Variants in MMP26 observed in about 807,000 individuals in gnomAD.
MMP26 encodes matrix metalloproteinase-26.
MMP26 carries 33 observed loss-of-function variants against 31.0 expected under a neutral mutation model. The ratio of observed to expected loss-of-function variants is 1.06; its 90% confidence interval spans 0.81 to 1.42. The LOEUF (loss-of-function observed/expected upper bound fraction) is 1.42, where lower values mean the gene tolerates loss of function less well. Ranked by LOEUF, MMP26 falls within the 40% of genes most tolerant of loss-of-function variation. The pLI is 0.00. For synonymous variants in MMP26, 122 were observed against 114.9 expected, an observed-to-expected ratio of 1.06 and a Z score of -0.40; for missense variants, 347 against 316.1, an observed-to-expected ratio of 1.10 and a Z score of -0.74.
At chr11:4,906,685 C>T (rs966811198) in intron 2 of MMP26, among the ~76,000 whole-genome samples, 2 of 152,064 alleles carry the variant, frequency 1.3e-5, no homozygotes, top group Admixed American at 6.5e-5. Context: ...TTAAAGCCAA[C>T]GTGGGTACTG....
At chr11:4,922,556 A>C (rs531337152) in intron 2 of MMP26, among the ~76,000 whole-genome samples, 30 of 152,222 alleles carry the variant, frequency 2.0e-4, no homozygotes, top group South Asian at 6.2e-4. Flanking sequence ...AGAAAGAAAA[A>C]CAGCAGTATT....
At chr11:4,911,720 G>C (rs1850994590) in intron 2 of MMP26, among the ~76,000 whole-genome samples, 1 of 152,022 alleles carries the variant, frequency 6.6e-6, no homozygotes, top group Non-Finnish European at 1.5e-5. Context: ...CTTTATAGAG[G>C]CCTTCCCTGC....
chr11:4,772,882 T>C (rs927370092), intron 2 of MMP26, among the ~76,000 whole-genome samples: 1 of 152,214 alleles, frequency 6.6e-6, no homozygotes, highest in Non-Finnish European at 1.5e-5. Flanking sequence ...TTTCTTTGAT[T>C]TCTACTCTGC....
At chr11:4,851,903 A>T (rs113434132) in intron 2 of MMP26, among the ~76,000 whole-genome samples, 316 of 152,292 alleles carry the variant, frequency 2.1e-3, no homozygotes, top group African/African-American at 7.2e-3. Flanking sequence ...AAGACACAAG[A>T]CTAACAGAAA....
intron 2 of MMP26, among the ~76,000 whole-genome samples, chr11:4,968,666 T>C (rs749192321): frequency 3.9e-5 from 6 of 151,964 alleles, no homozygotes; most frequent in Non-Finnish European, 7.4e-5. Flanking sequence ...AAAACACTTT[T>C]ACAATTTCTT....
At chr11:4,722,177 A>C (rs1848021611) in intron 1 of MMP26, among the ~76,000 whole-genome samples, 1 of 152,142 alleles carries the variant, frequency 6.6e-6, no homozygotes, top group African/African-American at 2.4e-5. Context: ...ACCCAGTCTC[A>C]GGTATTTATT....
intron 2 of MMP26, among the ~76,000 whole-genome samples, chr11:4,982,012 G>A (rs1846820478): frequency 6.6e-6 from 1 of 151,518 alleles, no homozygotes; most frequent in South Asian, 2.1e-4. Flanking sequence ...AATACCTCCT[G>A]ACTGACCTGC....
chr11:4,740,896 A>C (rs568809023), intron 1 of MMP26, among the ~76,000 whole-genome samples: 1 of 152,188 alleles, frequency 6.6e-6, no homozygotes, highest in South Asian at 2.1e-4. Flanking sequence ...AAAAGCATTG[A>C]TTTTATTGGT....
At chr11:4,769,535 A>T (rs2133420416) in intron 2 of MMP26, 1 of 1,613,724 alleles carries the variant, frequency 6.2e-7, no homozygotes, top group South Asian at 1.1e-5. Context: ...AGGGTCACAG[A>T]TGGCCACATA....
At position 4,923,931 on chromosome 11, in the gene MMP26, C is replaced by T. The variant is rs145607331; in HGVS notation, c.-144-64137C>T. The T allele has an allele frequency of 1.4e-3, 2,181 of 1,614,050 alleles. 33 individuals carry two copies. The highest frequency in any genetic ancestry group is 0.012 in the South Asian group (1,084 of 91,062). On this transcript the variant is annotated intron_variant, in intron 2 of 7. Coordinates refer to ENST00000380390, the MANE Select transcript of MMP26 (RefSeq NM_021801.5). Reference sequence around the variant, plus strand: ...TTGACAATACATGCAGGTGTCAGGACGGTGGAGTCATGCAGTGGGTTGCAG... The same window carrying T: ...TTGACAATACATGCAGGTGTCAGGATGGTGGAGTCATGCAGTGGGTTGCAG...
intron 2 of MMP26, among the ~76,000 whole-genome samples, chr11:4,961,813 T>A (rs1394903366): frequency 2.0e-5 from 3 of 152,218 alleles, no homozygotes; most frequent in Non-Finnish European, 4.4e-5. Context: ...AATTATGGTA[T>A]TCGGGATTGT....
Position 4,882,274 on chromosome 11 carries a change from C to T in MMP26, c.-144-105794C>T, listed in dbSNP as rs143185351. On this transcript the variant is annotated intron_variant, in intron 2 of 7. Coordinates refer to ENST00000380390, the MANE Select transcript of MMP26 (RefSeq NM_021801.5). ...TGGTAGCCATGGCCTTTGACCGCTT[C>T]GTGGCTATCTGTAACCCACTGAACT... 366 of 1,613,978 alleles carry T rather than the reference C, an allele frequency of 2.3e-4. 2 individuals are homozygous for T. The African/African-American group carries it at 4.0e-3, about 18-fold the overall frequency.
chr11:4,931,039 C>T (rs1564809409), intron 2 of MMP26, among the ~76,000 whole-genome samples: 2 of 151,538 alleles, frequency 1.3e-5, no homozygotes, highest in South Asian at 2.1e-4. Context: ...TTAATTTCTA[C>T]TCATAGTAGA....
intron 1 of MMP26, among the ~76,000 whole-genome samples, chr11:4,766,402 C>G (rs1023883323): frequency 6.6e-6 from 1 of 152,106 alleles, no homozygotes; most frequent in Non-Finnish European, 1.5e-5. Flanking sequence ...GGTCACTCAC[C>G]CAGGTGCTTC....
chr11:4,822,228 A>G, intron 2 of MMP26: 2 of 1,582,558 alleles, frequency 1.3e-6, no homozygotes, highest in Non-Finnish European at 1.7e-6. Flanking sequence ...ATGGCCATTC[A>G]GCACCTCCAT....
chr11:4,710,785 A>G (rs966608615), intron 1 of MMP26: 9 of 207,068 alleles, frequency 4.3e-5, no homozygotes. Flanking sequence ...GCACAAGTAA[A>G]GTCATACTTG....
intron 2 of MMP26, among the ~76,000 whole-genome samples, chr11:4,880,837 A>G (rs1011233025): frequency 1.3e-5 from 2 of 152,152 alleles, no homozygotes; most frequent in African/African-American, 4.8e-5. Flanking sequence ...TGTGGAGGAA[A>G]TATAATTCAG....
At chr11:4,962,806 A>G (rs550765186) in intron 2 of MMP26, among the ~76,000 whole-genome samples, 11 of 152,292 alleles carry the variant, frequency 7.2e-5, no homozygotes, top group African/African-American at 2.6e-4. Context: ...AACAGAGTCA[A>G]ACAAAAAGCA....
At chr11:4,863,493 C>G (rs962695800) in intron 2 of MMP26, 1 of 152,160 alleles carries the variant, frequency 6.6e-6, no homozygotes, top group African/African-American at 2.4e-5. Flanking sequence ...CTATTCTCAT[C>G]TGTCCTTATA....
Sources: gnomAD v4.1 joint callset for allele counts (sites outside exome capture counted in the v4.1 genomes callset) on GRCh38, gnomAD v4.1.1 for gene constraint, MANE v1.5 for transcripts, NCBI Gene and HGNC (gene_info 2026-07-23, HGNC 2026-07-21) for gene names.